CDH18: variants seen among roughly 807,000 people sequenced by gnomAD.
The protein encoded by CDH18 is cadherin-18.
CDH18 carries 31 observed loss-of-function variants against 67.9 expected under a neutral mutation model. The observed-to-expected ratio is 0.46, with a 90% confidence interval of 0.34 to 0.62. The LOEUF is 0.62. CDH18 is among the 20% of genes least tolerant of loss of function. CDH18 has a pLI of 0.01. For synonymous variants in CDH18, 362 were observed against 347.2 expected (o/e 1.04, Z -0.48); for missense variants, 890 against 975.5 (o/e 0.91, Z 1.17).
intron 2 of CDH18, among the ~76,000 whole-genome samples, chr5:20,007,571 G>C (rs1260209596): frequency 1.3e-5 from 2 of 151,998 alleles, no homozygotes; most frequent in Non-Finnish European, 2.9e-5. Context: ...ATTGCTCATG[G>C]AAGAAAGAAA....
intron 8 of CDH18, among the ~76,000 whole-genome samples, chr5:19,562,370 T>A (rs393094): frequency 0.099 from 15,011 of 152,140 alleles, 1,036 homozygotes; most frequent in African/African-American, 0.19. Flanking sequence ...TTTGCTGTTA[T>A]AACATCCAAA....
intron 2 of CDH18, among the ~76,000 whole-genome samples, chr5:20,147,499 G>T (rs1315590549): frequency 1.3e-5 from 2 of 152,040 alleles, no homozygotes; most frequent in Non-Finnish European, 2.9e-5. Flanking sequence ...TTTAATTTCT[G>T]TAAATAGTTT....
At chr5:20,191,137 T>C (rs1306935725) in intron 2 of CDH18, among the ~76,000 whole-genome samples, 1 of 152,104 alleles carries the variant, frequency 6.6e-6, no homozygotes, top group African/African-American at 2.4e-5. Flanking sequence ...TGTTTTTCTT[T>C]AGTAATCATG....
In CDH18 at chr5:19,969,962, A is replaced by G. The variant is rs191140327; in HGVS notation, c.-257+11098T>C. On this transcript the variant is annotated intron_variant, in intron 2 of 12. Transcript: ENST00000382275. Reference sequence around the variant, plus strand: ...ATCCAATAAGTTTAAGGAGTAGAACAGTATAAGACAGTGGAGAAGATCTGC... The same window carrying G: ...ATCCAATAAGTTTAAGGAGTAGAACGGTATAAGACAGTGGAGAAGATCTGC... Among the ~76,000 whole-genome samples the G allele has an allele frequency of 4.3e-4, 65 of 152,260 alleles. 1 individual carries two copies. In the South Asian group the frequency reaches 0.011, roughly 27 times the overall value.
At chr5:19,755,018 G>C (rs368954569) in intron 3 of CDH18, among the ~76,000 whole-genome samples, 199 of 152,098 alleles carry the variant, frequency 1.3e-3, no homozygotes, top group African/African-American at 4.6e-3. Context: ...GTGGTGCTAA[G>C]AGGAAATTTC....
At chr5:19,721,575 G>GC in intron 4 of CDH18, 109 bp from the exon 5 acceptor site, 1 of 845,710 alleles carries the variant, frequency 1.2e-6, no homozygotes, top group Admixed American at 2.6e-5. Context: ...AGTACTGGTT[G>GC]TGTCCTAGTA....
chr5:19,996,442 G>T (rs896841719), intron 2 of CDH18, among the ~76,000 whole-genome samples: 2 of 151,738 alleles, frequency 1.3e-5, no homozygotes, highest in African/African-American at 4.8e-5. Flanking sequence ...ATCTTTCCTG[G>T]GTCTTTGACT....
intron 1 of CDH18, among the ~76,000 whole-genome samples, chr5:20,438,425 A>G (rs1244721247): frequency 6.6e-6 from 1 of 151,400 alleles, no homozygotes; most frequent in Non-Finnish European, 1.5e-5. Context: ...TTCTGCAAAG[A>G]TAGGTCTAGT....
intron 2 of CDH18, among the ~76,000 whole-genome samples, chr5:20,125,599 C>T (rs1428811188): frequency 2.0e-5 from 3 of 152,128 alleles, no homozygotes; most frequent in Non-Finnish European, 4.4e-5. Context: ...CTGTGTCTGT[C>T]TTTTTTATTC....
intron 1 of CDH18, among the ~76,000 whole-genome samples, chr5:20,432,988 G>A (rs1748878954): frequency 1.4e-5 from 2 of 147,262 alleles, no homozygotes; most frequent in South Asian, 2.1e-4. Context: ...ATAAATGTAT[G>A]TATACTATTT....
chr5:20,289,519 C>A (rs1746946430), intron 1 of CDH18, among the ~76,000 whole-genome samples: 1 of 151,916 alleles, frequency 6.6e-6, no homozygotes, highest in Non-Finnish European at 1.5e-5. Flanking sequence ...AAGTGCACTA[C>A]ACTAGGTGAC....
At chr5:20,361,872 A>G (rs1309858796) in intron 1 of CDH18, among the ~76,000 whole-genome samples, 3 of 152,148 alleles carry the variant, frequency 2.0e-5, no homozygotes, top group Admixed American at 2.0e-4. Flanking sequence ...TTCATAGTAT[A>G]TGCTCAATAA....
At chr5:20,131,751 ATAAC>A (rs1446610055) in intron 2 of CDH18, among the ~76,000 whole-genome samples, 1 of 152,218 alleles carries the variant, frequency 6.6e-6, no homozygotes, top group Admixed American at 6.5e-5. Flanking sequence ...TAATGGTTGT[ATAAC>A]TACACCACTT....
chr5:19,891,444 G>A (rs923044068), intron 2 of CDH18, among the ~76,000 whole-genome samples: 1 of 152,034 alleles, frequency 6.6e-6, no homozygotes, highest in Non-Finnish European at 1.5e-5. Context: ...AATTAGTGTT[G>A]CTTCAGAGAT....
At chr5:19,854,591 TAC>T (rs879880024) in intron 2 of CDH18, among the ~76,000 whole-genome samples, 28 of 152,096 alleles carry the variant, frequency 1.8e-4, no homozygotes, top group Admixed American at 1.5e-3. Context: ...AATGTTATGG[TAC>T]CATAAAAGTT....
rs1379364225 is a variant in CDH18, at chr5:20,155,805, G to A, written c.-518+99639C>T. On this transcript the variant is annotated intron_variant, in intron 2 of 14. Coordinates refer to the CDH18 transcript ENST00000507958. ...TCTTCTGTGTATGGTGATCCAATTTGCCTGAAATCATTTATTGAATAGGGT... is the reference window on the plus strand; with the variant it reads ...TCTTCTGTGTATGGTGATCCAATTTACCTGAAATCATTTATTGAATAGGGT... 3.9e-5 allele frequency among the ~76,000 whole-genome samples: 6 copies of A among 152,066 alleles called. 1 individual carries two copies. The East Asian group carries it at 1.2e-3, about 29-fold the overall frequency.
chr5:20,368,248 G>A (rs1742684307), intron 1 of CDH18, among the ~76,000 whole-genome samples: 1 of 152,108 alleles, frequency 6.6e-6, no homozygotes, highest in African/African-American at 2.4e-5. Context: ...GAAATAGCTT[G>A]GTGAGATTGT....
intron 5 of CDH18, among the ~76,000 whole-genome samples, chr5:19,648,138 G>A (rs535940896): frequency 2.7e-4 from 41 of 152,270 alleles, no homozygotes; most frequent in African/African-American, 9.4e-4. Flanking sequence ...AAGCAGGCTG[G>A]GTGCAATGGC....
At chr5:19,536,830 G>A (rs1338221784) in intron 9 of CDH18, among the ~76,000 whole-genome samples, 1 of 152,114 alleles carries the variant, frequency 6.6e-6, no homozygotes, top group Non-Finnish European at 1.5e-5. Context: ...CTACTGGTTT[G>A]GAATGTAAAA....
Sources: gnomAD v4.1 joint callset for allele counts (sites outside exome capture counted in the v4.1 genomes callset) on GRCh38, gnomAD v4.1.1 for gene constraint, MANE v1.5 for transcripts, NCBI Gene and HGNC (gene_info 2026-07-23, HGNC 2026-07-21) for gene names.